CGNL1: variants seen among roughly 807,000 people sequenced by gnomAD.
The protein encoded by CGNL1 is cingulin-like protein 1.
CGNL1 carries 132 observed loss-of-function variants against 141.2 expected under a neutral mutation model. That is an observed-to-expected ratio of 0.93 (90% confidence interval 0.81 to 1.08). The LOEUF is 1.08. Ranked by LOEUF, CGNL1 falls within the 50% of genes least tolerant of loss-of-function variation. The pLI is 0.00. For missense variants in CGNL1, 1,870 were observed against 1,588.6 expected (o/e 1.18, Z -3.01); for synonymous variants, 690 against 622.1 (o/e 1.11, Z -1.63).
chr15:57,470,543 T>A (rs1358992876), intron 8 of CGNL1, among the ~76,000 whole-genome samples: 4 of 152,122 alleles, frequency 2.6e-5, no homozygotes, highest in African/African-American at 9.7e-5. Context: ...TCTCTGCAAG[T>A]CACTCCTGGT....
At chr15:57,494,604 G>A (rs2063911347) in intron 8 of CGNL1, among the ~76,000 whole-genome samples, 1 of 152,172 alleles carries the variant, frequency 6.6e-6, no homozygotes, top group South Asian at 2.1e-4. Flanking sequence ...CCAATCCCAT[G>A]AACTTTCTGT....
Position 57,524,574 on chromosome 15 carries a change from C to T in CGNL1, c.2869-7C>T. ...GGGTGGGCTCACACCCGTGTCACTT[C>T]TTCTAGATGGCAGACATTGTTGAGG... On this transcript the variant is annotated splice_polypyrimidine_tract_variant and splice_region_variant and intron_variant, in intron 11 of 18. Transcript: ENST00000281282. The T allele has an allele frequency of 1.2e-6, 2 of 1,610,692 alleles. No individual in the cohort carries two copies. The highest frequency in any genetic ancestry group is 4.5e-5 in the East Asian group (2 of 44,854).
chr15:57,502,269 T>C lies in CGNL1; in HGVS notation c.2404-14511T>C, dbSNP rs144968961. Among the ~76,000 whole-genome samples, 342 of 152,232 alleles carry C rather than the reference T, an allele frequency of 2.2e-3. 3 individuals are homozygous for C. Among genetic ancestry groups the C allele is most frequent in the African/African-American group, 7.8e-3 (325 of 41,538 alleles). On this transcript the variant is annotated intron_variant, in intron 8 of 18. Transcript: ENST00000281282. The stretch of plus-strand genomic sequence containing the variant: ...CCATCCTCAGTTGGTCTCAGTGATA[T>C]TGTAGGAATGCAGACATCAGCTCAG...
intron 8 of CGNL1, among the ~76,000 whole-genome samples, chr15:57,491,745 A>G (rs1447401420): frequency 1.3e-5 from 2 of 152,158 alleles, no homozygotes; most frequent in African/African-American, 4.8e-5. Flanking sequence ...AGAAATGCCT[A>G]CTCTCTCTAC....
chr15:57,500,566 G>T (rs1253511244), intron 8 of CGNL1, among the ~76,000 whole-genome samples: 3 of 152,138 alleles, frequency 2.0e-5, no homozygotes, highest in African/African-American at 7.2e-5. Context: ...TTGTTAATTA[G>T]GGCAATCATT....
chr15:57,529,635 AG>A lies in CGNL1; in HGVS notation c.3201+821del, dbSNP rs1449684480. Reference sequence around the variant, plus strand: ...GCCCCAGTAGAATTTAGAGAGAGGGAGAGACACTGAAAAAATGGAATTGAGA... The same window carrying A: ...GCCCCAGTAGAATTTAGAGAGAGGGAAGACACTGAAAAAATGGAATTGAGA... On this transcript the variant is annotated intron_variant, in intron 13 of 18. Coordinates refer to ENST00000281282, the MANE Select transcript of CGNL1 (RefSeq NM_032866.5). Among the ~76,000 whole-genome samples the A allele has an allele frequency of 2.0e-5, 3 of 152,060 alleles. No homozygotes were observed. In the East Asian group the frequency reaches 5.8e-4, roughly 29 times the overall value.
At chr15:57,400,273 G>A (rs990105506) in intron 1 of CGNL1, among the ~76,000 whole-genome samples, 3 of 152,118 alleles carry the variant, frequency 2.0e-5, no homozygotes, top group Admixed American at 6.5e-5. Flanking sequence ...GATTATAGGC[G>A]TGAGCCATTG....
intron 8 of CGNL1, among the ~76,000 whole-genome samples, chr15:57,487,752 CAG>C (rs2063804317): frequency 1.3e-5 from 2 of 152,078 alleles, no homozygotes; most frequent in African/African-American, 4.8e-5. Flanking sequence ...ATCTGAGAAA[CAG>C]AGTTGCTGTA....
chr15:57,527,229 G>C (rs2031670488), intron 12 of CGNL1: 1 of 149,456 alleles, frequency 6.7e-6, no homozygotes, highest in South Asian at 2.1e-4. Context: ...TTCAAGGCTA[G>C]GCTGTTCTCT....
intron 8 of CGNL1, among the ~76,000 whole-genome samples, chr15:57,468,754 C>G (rs1486167797): frequency 3.3e-5 from 5 of 152,120 alleles, no homozygotes; most frequent in Non-Finnish European, 7.3e-5. Context: ...GAATTGTACT[C>G]TCATAATTCC....
chr15:57,511,434 T>C (rs73423518), intron 8 of CGNL1, among the ~76,000 whole-genome samples: 4,775 of 152,284 alleles, frequency 0.031, 261 homozygotes, highest in African/African-American at 0.11. Flanking sequence ...GGTACTGCAG[T>C]GAATAATCTC....
At chr15:57,469,105 G>C (rs1479764191) in intron 8 of CGNL1, among the ~76,000 whole-genome samples, 1 of 152,094 alleles carries the variant, frequency 6.6e-6, no homozygotes, top group African/African-American at 2.4e-5. Flanking sequence ...CTTGGTGGTG[G>C]TGTGACCTGA....
chr15:57,495,883 A>C (rs2063930985), intron 8 of CGNL1, among the ~76,000 whole-genome samples: 2 of 151,636 alleles, frequency 1.3e-5, no homozygotes, highest in South Asian at 4.2e-4. Context: ...TTCATGTGAA[A>C]ACATAACTTT....
chr15:57,455,500 T>C (rs147976507), intron 7 of CGNL1, among the ~76,000 whole-genome samples: 6 of 152,290 alleles, frequency 3.9e-5, no homozygotes, highest in African/African-American at 1.2e-4. Context: ...CCCCTGTCCT[T>C]TTAGTTTCTC....
intron 4 of CGNL1, among the ~76,000 whole-genome samples, chr15:57,444,795 G>A (rs1416175236): frequency 6.6e-6 from 1 of 152,202 alleles, no homozygotes; most frequent in Non-Finnish European, 1.5e-5. Context: ...GAGCCTGGTA[G>A]CAAGGACATT....
Position 57,547,524 on chromosome 15 carries a change from C to G in CGNL1, c.*34C>G, listed in dbSNP as rs199894642. 3.7e-6 allele frequency: 6 copies of G among 1,601,630 alleles called. No homozygotes were observed. The highest frequency in any genetic ancestry group is 3.4e-5 in the Admixed American group (2 of 58,508). ...CCGGGCTGTGGAAGTACCTGTCATT[C>G]CTGCAGGAGCTGCAGCCACCCAAAG... is the stretch of plus-strand genomic sequence containing the variant. On this transcript the variant is annotated 3_prime_UTR_variant, in exon 19 of 19. Coordinates refer to ENST00000281282, the MANE Select transcript of CGNL1 (RefSeq NM_032866.5).
At chr15:57,538,932 G>C (rs2032415720) in intron 14 of CGNL1, among the ~76,000 whole-genome samples, 1 of 152,178 alleles carries the variant, frequency 6.6e-6, no homozygotes. Flanking sequence ...AACCTAGGTT[G>C]GAATCCCAAA....
Position 57,451,487 on chromosome 15 carries a change from C to T in CGNL1, c.1804-13C>T, listed in dbSNP as rs2063321194. On this transcript the variant is annotated splice_polypyrimidine_tract_variant and intron_variant, in intron 4 of 18. Coordinates refer to ENST00000281282, the MANE Select transcript of CGNL1 (RefSeq NM_032866.5). ...GAACATTTAAATTAGTATATCTTTG[C>T]AATTAATTATAGGCTTGTAATTCCA... 6.4e-7 allele frequency: 1 copy of T among 1,558,266 alleles called. No individual in the cohort carries two copies. Among genetic ancestry groups the T allele is most frequent in the Non-Finnish European group, 8.8e-7 (1 of 1,136,592 alleles).
chr15:57,447,446 C>T (rs891040205), intron 4 of CGNL1, among the ~76,000 whole-genome samples: 5 of 152,182 alleles, frequency 3.3e-5, no homozygotes, highest in African/African-American at 9.7e-5. Flanking sequence ...AGACGTTATT[C>T]GTCTTTTGAC....
Sources: gnomAD v4.1 joint callset for allele counts (sites outside exome capture counted in the v4.1 genomes callset) on GRCh38, gnomAD v4.1.1 for gene constraint, MANE v1.5 for transcripts, NCBI Gene and HGNC (gene_info 2026-07-23, HGNC 2026-07-21) for gene names.